IL1RAPL1: variants seen among roughly 807,000 people sequenced by gnomAD.
IL1RAPL1 encodes interleukin-1 receptor accessory protein-like 1.
In IL1RAPL1, 3 loss-of-function variants were observed where a neutral mutation model predicts 48.4. The ratio of observed to expected loss-of-function variants is 0.06; its 90% CI spans 0.03 to 0.16. The LOEUF (loss-of-function observed/expected upper bound fraction) is 0.16, where lower values mean the gene tolerates loss of function less well. Among genes scored for constraint, IL1RAPL1 ranks in the 10% least tolerant of loss-of-function variants. The pLI is 1.00. For missense variants in IL1RAPL1, 349 were observed against 530.6 expected (o/e 0.66, Z 3.36); for synonymous variants, 185 against 187.7 (o/e 0.99, Z 0.12).
At chrX:29,241,762 A>G (rs1931426287) in intron 2 of IL1RAPL1, among the ~76,000 whole-genome samples, 1 of 112,352 alleles carries the variant, frequency 8.9e-6, no homozygotes, top group South Asian at 3.7e-4. Context: ...ATGTTTTACT[A>G]TAGTTCTGCC....
intron 1 of IL1RAPL1, among the ~76,000 whole-genome samples, chrX:28,630,276 A>G (rs1422803032): frequency 9.0e-6 from 1 of 110,990 alleles, no homozygotes; most frequent in East Asian, 2.8e-4. Flanking sequence ...GATAATAACT[A>G]TTTCCTTTTC....
At chrX:28,912,824 T>G (rs974393002) in intron 2 of IL1RAPL1, among the ~76,000 whole-genome samples, 5 of 111,668 alleles carry the variant, frequency 4.5e-5, no homozygotes, top group African/African-American at 1.6e-4. Context: ...GGAATCATTA[T>G]TCTAACCTTT....
At chrX:28,829,554 TG>T (rs1254998253) in intron 2 of IL1RAPL1, among the ~76,000 whole-genome samples, 3 of 85,053 alleles carry the variant, frequency 3.5e-5, no homozygotes, top group Admixed American at 1.4e-4. Context: ...GAAAGGGTGC[TG>T]GAATTTTTTT....
intron 2 of IL1RAPL1, among the ~76,000 whole-genome samples, chrX:28,857,530 T>C (rs2147300470): frequency 9.0e-6 from 1 of 111,593 alleles, no homozygotes; most frequent in East Asian, 2.8e-4. Flanking sequence ...TTTACCATTC[T>C]GAAAATCCTA....
chrX:28,926,982 A>G (rs1360615418), intron 2 of IL1RAPL1, among the ~76,000 whole-genome samples: 4 of 110,669 alleles, frequency 3.6e-5, no homozygotes, highest in African/African-American at 1.3e-4. Flanking sequence ...ACAGCCTTGA[A>G]ATCCTAGGTT....
intron 6 of IL1RAPL1, among the ~76,000 whole-genome samples, chrX:29,905,933 A>G (rs1021518609): frequency 9.0e-6 from 1 of 111,403 alleles, no homozygotes; most frequent in Non-Finnish European, 1.9e-5. Flanking sequence ...TGTTGAGATG[A>G]ATTGTAAATG....
In IL1RAPL1 at chrX:28,695,161, T is replaced by C. The variant is rs34287930; in HGVS notation, c.-24-94159T>C. ...CAAACAGATGATAAAGAATCTATTG[T>C]TATTATTTTTACTTTTTACCTCATT... On this transcript the variant is annotated intron_variant, in intron 1 of 10. Transcript: ENST00000378993. Among the ~76,000 whole-genome samples the C allele has an allele frequency of 7.2e-3, 805 of 111,336 alleles. 12 individuals are homozygous for C. The highest frequency in any genetic ancestry group is 0.024 in the African/African-American group (749 of 30,680).
chrX:29,815,872 A>G (rs897748692), intron 6 of IL1RAPL1, among the ~76,000 whole-genome samples: 1 of 111,036 alleles, frequency 9.0e-6, no homozygotes, highest in Admixed American at 9.6e-5. Flanking sequence ...TTTGTTTTTA[A>G]TTTTGTTTAT....
chrX:28,968,835 C>A (rs1424800408), intron 2 of IL1RAPL1, among the ~76,000 whole-genome samples: 1 of 112,401 alleles, frequency 8.9e-6, no homozygotes, highest in Non-Finnish European at 1.9e-5. Flanking sequence ...CAATAACAAA[C>A]CAGGAACAGT....
intron 2 of IL1RAPL1, among the ~76,000 whole-genome samples, chrX:29,118,814 A>G (rs1928725890): frequency 8.9e-6 from 1 of 111,833 alleles, no homozygotes; most frequent in African/African-American, 3.2e-5. Flanking sequence ...TTGACAAAAA[A>G]TATAAAATGG....
At chrX:28,668,751 C>T (rs760489016) in intron 1 of IL1RAPL1, among the ~76,000 whole-genome samples, 24 of 111,768 alleles carry the variant, frequency 2.1e-4, no homozygotes, top group African/African-American at 7.2e-4. Context: ...TGTTGGAAAA[C>T]GCTTGCTTTA....
chrX:29,282,905 T>C (rs1932224647), intron 2 of IL1RAPL1, 33 bp from the exon 3 acceptor site: 1 of 1,200,407 alleles, frequency 8.3e-7, no homozygotes, highest in Non-Finnish European at 1.1e-6. Flanking sequence ...CTAATGTTTT[T>C]CCTCTCTTTC....
chrX:29,096,426 T>G (rs1928216687), intron 2 of IL1RAPL1, among the ~76,000 whole-genome samples: 1 of 111,938 alleles, frequency 8.9e-6, no homozygotes, highest in Admixed American at 9.5e-5. Flanking sequence ...ATCTAATTTT[T>G]ATCTGATTAT....
At chrX:29,108,371 A>G (rs185701379) in intron 2 of IL1RAPL1, among the ~76,000 whole-genome samples, 119 of 110,500 alleles carry the variant, frequency 1.1e-3, no homozygotes, top group African/African-American at 3.7e-3. Context: ...GCTATTACAA[A>G]TAATGTTACA....
intron 6 of IL1RAPL1, among the ~76,000 whole-genome samples, chrX:29,711,087 C>CACACACACACAT (rs1221574437): frequency 9.7e-6 from 1 of 103,424 alleles, no homozygotes; most frequent in Admixed American, 1.0e-4. Context: ...CACACACACA[C>CACACACACACAT]ACAGATATAT....
At chrX:28,905,919 T>C (rs1208072718) in intron 2 of IL1RAPL1, among the ~76,000 whole-genome samples, 1 of 111,707 alleles carries the variant, frequency 9.0e-6, no homozygotes, top group East Asian at 2.8e-4. Flanking sequence ...AAGGCAAGTA[T>C]ATTATTAGTC....
intron 5 of IL1RAPL1, among the ~76,000 whole-genome samples, chrX:29,502,369 G>T (rs7877627): frequency 0.075 from 8,279 of 110,864 alleles, 532 homozygotes; most frequent in African/African-American, 0.21. Flanking sequence ...AATAAAGGTA[G>T]TGAAAGTGCG....
At chrX:29,600,687 G>C (rs945753022) in intron 5 of IL1RAPL1, among the ~76,000 whole-genome samples, 4 of 111,181 alleles carry the variant, frequency 3.6e-5, no homozygotes, top group Non-Finnish European at 7.6e-5. Flanking sequence ...ACCACCAGGT[G>C]GGGGGCAGGG....
At chrX:28,636,806 G>A (rs1312989736) in intron 1 of IL1RAPL1, among the ~76,000 whole-genome samples, 1 of 111,844 alleles carries the variant, frequency 8.9e-6, no homozygotes, top group Non-Finnish European at 1.9e-5. Context: ...ATATAACATT[G>A]TCTCACTGAT....
Sources: allele counts gnomAD v4.1 joint callset (sites outside exome capture counted in the v4.1 genomes callset), GRCh38; gene constraint gnomAD v4.1.1; transcripts MANE v1.5; gene names NCBI Gene and HGNC (gene_info 2026-07-23, HGNC 2026-07-21).